The following OLFM1 variants were observed in gnomAD, a reference collection of about 807,000 sequenced individuals.
The protein encoded by OLFM1 is noelin.
In OLFM1, 9 loss-of-function variants were observed where a neutral mutation model predicts 49.7. The ratio of observed to expected loss-of-function variants is 0.18; its 90% CI spans 0.11 to 0.32. The LOEUF is 0.32. Among genes scored for constraint, OLFM1 ranks in the 10% least tolerant of loss-of-function variants. The pLI is 1.00. For missense variants in OLFM1, 369 were observed against 661.8 expected (o/e 0.56, Z 4.85); for synonymous variants, 240 against 271.8 (o/e 0.88, Z 1.15).
rs1830670078 is a variant in OLFM1 at position 135,090,476 on chromosome 9, G to A, written c.300+132G>A. On this transcript the variant is annotated intron_variant, in intron 2 of 5. Coordinates refer to ENST00000371793, the MANE Select transcript of OLFM1 (RefSeq NM_001282611.2). ...GCAGGCCCCATTTTGACTCTTTCCT[G>A]GTTTGTCTCCACTCAAAATATTTGT... is the stretch of plus-strand genomic sequence containing the variant. The A allele has an allele frequency of 8.8e-6, 8 of 913,084 alleles. No homozygotes were observed. The South Asian group carries it at 1.4e-4, about 16-fold the overall frequency. The allele number at this position is 913,084 out of a possible 1,614,324, so 56.6% of individuals were successfully genotyped here.
At chr9:135,087,236 C>T (rs1307074960), upstream of OLFM1, 17 of 1,407,206 alleles carry the variant, frequency 1.2e-5, no homozygotes, top group Non-Finnish European at 1.6e-5. Context: ...TTTCAGGCGA[C>T]GGCCCAGGCT....
intron 1 of OLFM1, chr9:135,076,262 G>A: frequency 6.4e-7 from 1 of 1,550,570 alleles, no homozygotes; most frequent in South Asian, 1.2e-5. Flanking sequence ...CTGCCCTTGG[G>A]GGCTCCAGAA....
At chr9:135,099,823 G>A (rs1427937192) in intron 4 of OLFM1, among the ~76,000 whole-genome samples, 1 of 152,170 alleles carries the variant, frequency 6.6e-6, no homozygotes, top group African/African-American at 2.4e-5. Flanking sequence ...GGGGGGTCTG[G>A]GCCAGATGGC....
upstream of OLFM1, chr9:135,087,212 CCCTG>C: frequency 1.4e-6 from 2 of 1,398,166 alleles, no homozygotes; most frequent in Non-Finnish European, 1.9e-6. Context: ...TCGGAGCCTG[CCCTG>C]CCTGCTGGGT....
At chr9:135,110,958 A>G (rs1225454669) in intron 5 of OLFM1, among the ~76,000 whole-genome samples, 1 of 152,266 alleles carries the variant, frequency 6.6e-6, no homozygotes, top group Non-Finnish European at 1.5e-5. Flanking sequence ...CGGGGGCTGC[A>G]TCAGAGGCAT....
intron 4 of OLFM1, 40 bp from the exon 5 acceptor site, chr9:135,106,709 C>A (rs975984621): frequency 1.3e-6 from 2 of 1,565,302 alleles, no homozygotes; most frequent in South Asian, 1.1e-5. Flanking sequence ...CGGGCCGGGG[C>A]CCCCGCCCTC....
intron 1 of OLFM1, among the ~76,000 whole-genome samples, chr9:135,079,610 AAAG>A (rs749721227): frequency 2.0e-4 from 30 of 152,264 alleles, no homozygotes; most frequent in African/African-American, 5.3e-4. Flanking sequence ...GTCTCAAAAA[AAAG>A]AAGAAGAAGA....
In OLFM1 at chr9:135,088,101, T is replaced by TCGGCGGC; in HGVS notation, c.120_126dup (p.Gly43ArgfsTer17). The TCGGCGGC allele has an allele frequency of 7.1e-7, 1 of 1,415,950 alleles. No homozygotes were observed. The highest frequency in any genetic ancestry group is 9.4e-7 in the Non-Finnish European group (1 of 1,069,024). 87.7% of individuals were successfully genotyped at this position (1,415,950 alleles called of 1,614,324 possible). On this transcript the variant is annotated frameshift_variant, in exon 1 of 6. Transcript: ENST00000371793. LOFTEE classifies it high-confidence loss of function. This position sits in a 1 kb window ranked among gnomAD's most constrained non-coding sequence, Gnocchi z 4.8. The stretch of plus-strand genomic sequence containing the variant: ...GGTGGGCCTCAACACCACCAAGCTC[T>TCGGCGGC]CGGCGGCCGGCGGCGGGACGCTGGA...
chr9:135,078,723 G>C (rs1830497736), intron 1 of OLFM1, among the ~76,000 whole-genome samples: 1 of 152,186 alleles, frequency 6.6e-6, no homozygotes, highest in African/African-American at 2.4e-5. Flanking sequence ...GGGACTCCCT[G>C]GGCTCCAGGC....
intron 5 of OLFM1, among the ~76,000 whole-genome samples, chr9:135,116,789 T>C (rs1037103062): frequency 2.0e-5 from 3 of 151,444 alleles, no homozygotes; most frequent in Non-Finnish European, 4.4e-5. Context: ...TTCCCTCCAA[T>C]ACCCCTCCCG....
At chr9:135,104,115 G>T (rs1830906316) in intron 4 of OLFM1, among the ~76,000 whole-genome samples, 1 of 152,242 alleles carries the variant, frequency 6.6e-6, no homozygotes, top group Non-Finnish European at 1.5e-5. Context: ...GCAGCCCCAT[G>T]AGATGTACGG....
rs542546470 is a variant in OLFM1, at chr9:135,080,713, G to A, written c.96+4911G>A. ...CCCTGTAATCAGTATTAACATCACCGTGTAAAGTAATACAAAACTAATTAC... is the reference window on the plus strand; with the variant it reads ...CCCTGTAATCAGTATTAACATCACCATGTAAAGTAATACAAAACTAATTAC... On this transcript the variant is annotated intron_variant, in intron 1 of 5. Transcript: ENST00000252854. The surrounding 1 kb of genome is among the most constrained non-coding windows in gnomAD (Gnocchi z 4.5). 2.0e-5 allele frequency among the ~76,000 whole-genome samples: 3 copies of A among 152,144 alleles called. No homozygotes were observed. The highest frequency in any genetic ancestry group is 2.9e-5 in the Non-Finnish European group (2 of 68,038).
intron 1 of OLFM1, among the ~76,000 whole-genome samples, chr9:135,081,368 G>A (rs1220800539): frequency 6.6e-6 from 1 of 152,226 alleles, no homozygotes. Context: ...GCCGACCTCT[G>A]TGGAATGCAC....
In OLFM1 at chr9:135,119,767, G is replaced by A; in HGVS notation, c.1047G>A (p.Trp349Ter). 1 of 1,613,986 alleles carries A rather than the reference G, an allele frequency of 6.2e-7. No homozygotes were observed. Among genetic ancestry groups the A allele is most frequent in the Non-Finnish European group, 8.5e-7 (1 of 1,180,016 alleles). Residue 349 changes from tryptophan (W) to a stop codon, truncating the protein, a stop_gained, in exon 6 of 6, where the codon TGG becomes TGA. Transcript: ENST00000371793. LOFTEE classifies it high-confidence loss of function. Reference protein sequence around the residue: ...AGYNNMYHYAWGGHSDIDLMV... With the variant: ...AGYNNMYHYA Reference sequence around the variant, plus strand: ...ACAACAACATGTACCACTACGCCTGGGGTGGCCACTCGGACATCGACCTCA... The same window carrying A: ...ACAACAACATGTACCACTACGCCTGAGGTGGCCACTCGGACATCGACCTCA...
chr9:135,110,535 C>T (rs1031484131), intron 5 of OLFM1, among the ~76,000 whole-genome samples: 5 of 152,214 alleles, frequency 3.3e-5, no homozygotes, highest in African/African-American at 4.8e-5. Context: ...AAGGATCCCA[C>T]GGAATCTTTT....
At chr9:135,103,227 C>T (rs1426994266) in intron 4 of OLFM1, among the ~76,000 whole-genome samples, 2 of 152,216 alleles carry the variant, frequency 1.3e-5, no homozygotes, top group Admixed American at 6.5e-5. Context: ...GTGTGTGCAT[C>T]CTGAGTGCTC....
Position 135,113,633 on chromosome 9 carries a change from G to A in OLFM1, c.784-5871G>A, listed in dbSNP as rs1254058952. On this transcript the variant is annotated intron_variant, in intron 5 of 5. Coordinates refer to ENST00000371793, the MANE Select transcript of OLFM1 (RefSeq NM_001282611.2). The surrounding 1 kb of genome is among the most constrained non-coding windows in gnomAD (Gnocchi z 4.0). ...CAGCCACGTGGACACCCCTCACTCT[G>A]TGGGATCCACAGAGCAGTGCCTGGG... 6.6e-6 allele frequency among the ~76,000 whole-genome samples: 1 copy of A among 152,200 alleles called. No homozygotes were observed. Among genetic ancestry groups the A allele is most frequent in the Non-Finnish European group, 1.5e-5 (1 of 68,026 alleles).
intron 1 of OLFM1, among the ~76,000 whole-genome samples, chr9:135,082,451 G>A (rs185523745): frequency 3.9e-5 from 6 of 152,248 alleles, no homozygotes; most frequent in East Asian, 1.9e-4. Context: ...GTGATGCTTC[G>A]GGGGCCTAAG....
chr9:135,106,831 T>A lies in OLFM1; in HGVS notation c.759T>A (p.Pro253=). 1 of 1,611,996 alleles carries A rather than the reference T, an allele frequency of 6.2e-7. No homozygotes were observed. The highest frequency in any genetic ancestry group is 8.5e-7 in the Non-Finnish European group (1 of 1,179,168). ...GGTTCGGATCCTGGATGACAGACCC[T>A]CTCGCCCCTGAAGGCGATAACCGGG... The part of the protein sequence containing the change: ...GSRFGSWMTD[P]LAPEGDNRVW... Residue 253 remains proline, a synonymous_variant, in exon 5 of 6, where the codon CCT becomes CCA. Coordinates refer to ENST00000371793, the MANE Select transcript of OLFM1 (RefSeq NM_001282611.2).
Sources: allele counts gnomAD v4.1 joint callset (sites outside exome capture counted in the v4.1 genomes callset), GRCh38; gene constraint gnomAD v4.1.1; non-coding constraint Gnocchi (gnomAD v3.1); transcripts MANE v1.5; gene names NCBI Gene and HGNC (gene_info 2026-07-23, HGNC 2026-07-21).